COL23A1: variants seen among roughly 807,000 people sequenced by gnomAD.
The protein encoded by COL23A1 is collagen type XXIII alpha 1 chain.
COL23A1 carries 97 observed loss-of-function variants against 99.3 expected under a neutral mutation model. The ratio of observed to expected loss-of-function variants is 0.98; its 90% CI spans 0.83 to 1.16. COL23A1 has a LOEUF of 1.16. Ranked by LOEUF, COL23A1 falls within the 50% of genes most tolerant of loss-of-function variation. The pLI, the probability that COL23A1 is intolerant of heterozygous loss-of-function variation, is 0.00. For synonymous variants in COL23A1, 320 were observed against 308.2 expected, an observed-to-expected ratio of 1.04 and a Z score of -0.40; for missense variants, 762 against 757.4, an observed-to-expected ratio of 1.01 and a Z score of -0.07.
At chr5:178,504,892 G>A (rs547504134) in intron 2 of COL23A1, among the ~76,000 whole-genome samples, 1 of 152,312 alleles carries the variant, frequency 6.6e-6, no homozygotes, top group East Asian at 1.9e-4. Flanking sequence ...TGAGGATTCT[G>A]AAGTGTTGGC....
At chr5:178,376,099 C>T (rs1287627893) in intron 2 of COL23A1, among the ~76,000 whole-genome samples, 1 of 152,184 alleles carries the variant, frequency 6.6e-6, no homozygotes, top group Non-Finnish European at 1.5e-5. Context: ...TTTAATATCC[C>T]ACTCTGCACA....
At chr5:178,368,743 C>A (rs370043330) in intron 2 of COL23A1, among the ~76,000 whole-genome samples, 1 of 152,230 alleles carries the variant, frequency 6.6e-6, no homozygotes, top group Non-Finnish European at 1.5e-5. Context: ...AGCTTCACAG[C>A]GACTTCCTTC....
chr5:178,261,816 C>T, intron 10 of COL23A1, 68 bp from the exon 11 acceptor site: 1 of 1,330,788 alleles, frequency 7.5e-7, no homozygotes. Context: ...TCCTTCTTAG[C>T]ATCCTGGCTT....
At chr5:178,539,294 C>A (rs766245115) in intron 2 of COL23A1, among the ~76,000 whole-genome samples, 3 of 151,988 alleles carry the variant, frequency 2.0e-5, no homozygotes, top group Non-Finnish European at 4.4e-5. Flanking sequence ...CGCCTGTAAT[C>A]CCAGCAATTT....
intron 5 of COL23A1, among the ~76,000 whole-genome samples, chr5:178,278,543 C>A (rs1475165662): frequency 6.6e-6 from 1 of 152,200 alleles, no homozygotes; most frequent in Non-Finnish European, 1.5e-5. Flanking sequence ...TCTCCTGCGC[C>A]CAACCAGCCT....
At chr5:178,511,667 G>A (rs1343820374) in intron 2 of COL23A1, among the ~76,000 whole-genome samples, 3 of 152,150 alleles carry the variant, frequency 2.0e-5, no homozygotes, top group Non-Finnish European at 4.4e-5. Context: ...TGGGTCCCCT[G>A]AGACACAGTG....
intron 2 of COL23A1, among the ~76,000 whole-genome samples, chr5:178,426,468 A>G (rs978361127): frequency 1.3e-5 from 2 of 152,184 alleles, no homozygotes; most frequent in African/African-American, 4.8e-5. Context: ...ACTCCCACGC[A>G]TGTCCCACTG....
chr5:178,510,012 G>T (rs1442375369), intron 2 of COL23A1, among the ~76,000 whole-genome samples: 1 of 152,202 alleles, frequency 6.6e-6, no homozygotes, highest in Non-Finnish European at 1.5e-5. Context: ...CACGTAGGAA[G>T]TACGCAAAGC....
At chr5:178,547,843 AC>A (rs139361651) in intron 2 of COL23A1, among the ~76,000 whole-genome samples, 107 of 10,282 alleles carry the variant, frequency 0.01, 5 homozygotes, top group Non-Finnish European at 0.011. Flanking sequence ...CCCCACACCC[AC>A]CCACCTACAC....
chr5:178,357,794 GTA>G (rs1491489450), intron 2 of COL23A1, among the ~76,000 whole-genome samples: 229 of 145,806 alleles, frequency 1.6e-3, no homozygotes, highest in African/African-American at 1.7e-3. Flanking sequence ...ATGTGTGTGT[GTA>G]TGTGTGTGTG....
chr5:178,453,005 G>T (rs1291556725), intron 2 of COL23A1, among the ~76,000 whole-genome samples: 1 of 152,160 alleles, frequency 6.6e-6, no homozygotes, highest in Non-Finnish European at 1.5e-5. Flanking sequence ...GACACAACTG[G>T]AATGCCCATG....
chr5:178,274,201 A>G (rs548707937), intron 5 of COL23A1, among the ~76,000 whole-genome samples: 7 of 152,372 alleles, frequency 4.6e-5, no homozygotes, highest in African/African-American at 1.4e-4. Context: ...CAATGGGCTC[A>G]GTGGACTCAG....
At chr5:178,372,308 C>T (rs796887657) in intron 2 of COL23A1, among the ~76,000 whole-genome samples, 2 of 152,218 alleles carry the variant, frequency 1.3e-5, no homozygotes, top group African/African-American at 4.8e-5. Context: ...GCAGGAGCGC[C>T]GTTTCCTCCA....
chr5:178,252,911 C>T (rs1409199422), intron 16 of COL23A1, among the ~76,000 whole-genome samples: 1 of 152,186 alleles, frequency 6.6e-6, no homozygotes, highest in Non-Finnish European at 1.5e-5. Context: ...TGCTTTGGCT[C>T]CCTATTGCCT....
At chr5:178,436,199 C>G (rs1173118183) in intron 2 of COL23A1, among the ~76,000 whole-genome samples, 2 of 152,126 alleles carry the variant, frequency 1.3e-5, no homozygotes, top group African/African-American at 4.8e-5. Flanking sequence ...GGTGAGGTAG[C>G]CCAGACCCCT....
chr5:178,363,945 G>T (rs1160711827), intron 2 of COL23A1, among the ~76,000 whole-genome samples: 1 of 152,160 alleles, frequency 6.6e-6, no homozygotes, highest in East Asian at 1.9e-4. Flanking sequence ...CCTGCTATGT[G>T]GGAGAACCTC....
intron 2 of COL23A1, among the ~76,000 whole-genome samples, chr5:178,354,794 T>C (rs1334092769): frequency 6.6e-6 from 1 of 152,138 alleles, no homozygotes; most frequent in Non-Finnish European, 1.5e-5. Context: ...TGGTGGCTCA[T>C]GCCTGTAATC....
In COL23A1 at chr5:178,307,465, C is replaced by T. The variant is rs1758422720; in HGVS notation, c.362-546G>A. On this transcript the variant is annotated intron_variant, in intron 2 of 28. Coordinates refer to ENST00000390654, the MANE Select transcript of COL23A1 (RefSeq NM_173465.4). This position sits in a 1 kb window ranked among gnomAD's most constrained non-coding sequence, Gnocchi z 4.2. ...CGCCACTCGCTGGGGCCTCCAGCTC[C>T]TCCTTCCCCAGAGCCAGGGAGCTGC... Among the ~76,000 whole-genome samples, 2 of 152,380 alleles carry T rather than the reference C, an allele frequency of 1.3e-5. No individual in the cohort carries two copies. The highest frequency in any genetic ancestry group is 2.4e-5 in the African/African-American group (1 of 41,602).
At chr5:178,564,749 G>T (rs112720437) in intron 1 of COL23A1, among the ~76,000 whole-genome samples, 1 of 152,122 alleles carries the variant, frequency 6.6e-6, no homozygotes, top group Non-Finnish European at 1.5e-5. Context: ...GTTTATTAAC[G>T]ATCTGTCGGG....
Sources: gnomAD v4.1 joint callset for allele counts (sites outside exome capture counted in the v4.1 genomes callset) on GRCh38, gnomAD v4.1.1 for gene constraint, Gnocchi (gnomAD v3.1) non-coding constraint, MANE v1.5 for transcripts, NCBI Gene and HGNC (gene_info 2026-07-23, HGNC 2026-07-21) for gene names.